Variants in TNC observed in about 807,000 individuals in gnomAD.
The protein encoded by TNC is tenascin C.
In TNC, 109 loss-of-function variants were observed where a neutral mutation model predicts 202.4. The observed-to-expected ratio is 0.54, with a 90% confidence interval of 0.46 to 0.63. TNC has a LOEUF of 0.63. Among genes scored for constraint, TNC ranks in the 30% least tolerant of loss-of-function variants. The pLI is 0.00. For synonymous variants in TNC, 1,007 were observed against 1,089.7 expected (o/e 0.92, Z 1.50); for missense variants, 2,756 against 2,833.3 (o/e 0.97, Z 0.62).
intron 25 of TNC, among the ~76,000 whole-genome samples, chr9:115,027,482 T>TG (rs1378173366): frequency 2.0e-5 from 3 of 151,772 alleles, no homozygotes; most frequent in Admixed American, 2.0e-4. Context: ...CTCAGCTACC[T>TG]GGGGGGCTGA....
At position 115,063,849 on chromosome 9, in the gene TNC, C is replaced by A. The variant is rs147290484; in HGVS notation, c.3707G>T (p.Arg1236Leu). The A allele has an allele frequency of 1.2e-6, 2 of 1,614,130 alleles. No individual in the cohort carries two copies. Among genetic ancestry groups the A allele is most frequent in the South Asian group, 2.2e-5 (2 of 91,078 alleles). The change falls in exon 12 of 28, where the codon CGC becomes CTC. Residue 1236 changes from arginine to leucine, a missense_variant. This residue lies in a region of TNC where 2,559 missense variants were observed against 2,546.0 expected (regional missense o/e 1.01). Transcript: ENST00000350763. Reference sequence around the variant, plus strand: ...TGTGCTGAAGTCCTGAGTGACCCCGCGGATGGTGATGGTATAATGAGTGGC... The same window carrying A: ...TGTGCTGAAGTCCTGAGTGACCCCGAGGATGGTGATGGTATAATGAGTGGC... ...KAATHYTITIRGVTQDFSTTP... is the reference protein window; with the variant it reads ...KAATHYTITILGVTQDFSTTP...
At chr9:115,030,119 G>A (rs1829832672) in intron 24 of TNC, 135 bp downstream of exon 24, 1 of 870,084 alleles carries the variant, frequency 1.1e-6, no homozygotes, top group Non-Finnish European at 1.7e-6. Flanking sequence ...CTGTGTGACA[G>A]GCACTATCTT....
chr9:115,086,812 C>T lies in TNC; in HGVS notation c.919G>A (p.Gly307Ser). 2 of 1,614,132 alleles carry T rather than the reference C, an allele frequency of 1.2e-6. No homozygotes were observed. The highest frequency in any genetic ancestry group is 8.5e-7 in the Non-Finnish European group (1 of 1,180,042). The change falls in exon 3 of 28, where the codon GGC (glycine) becomes AGC (serine). Residue 307 changes from glycine (G) to serine (S), a missense_variant. Gly to Ser is a moderately conservative substitution (Grantham distance 56, BLOSUM62 0). Coordinates refer to ENST00000350763, the MANE Select transcript of TNC (RefSeq NM_002160.4). ...CAGATGAGCTCACTGCAGTCTTCGC[C>T]CGTGAAACCCTCATCACACACGCAC... Reference protein sequence around the residue: ...NECVCDEGFTGEDCSELICPN... With the variant: ...NECVCDEGFTSEDCSELICPN...
chr9:115,098,856 C>G (rs1835991906), intron 1 of TNC, among the ~76,000 whole-genome samples: 1 of 151,966 alleles, frequency 6.6e-6, no homozygotes, highest in Admixed American at 6.6e-5. Flanking sequence ...ATTCCTCACC[C>G]TTTGTCCTTC....
At position 115,041,250 on chromosome 9, in the gene TNC, G is replaced by C. The variant is rs879208534; in HGVS notation, c.5249-166C>G. 3.5e-5 allele frequency among the ~76,000 whole-genome samples: 5 copies of C among 144,144 alleles called. No individual in the cohort carries two copies. In the South Asian group the frequency reaches 1.1e-3, roughly 32 times the overall value. 94.6% of individuals were successfully genotyped at this position (144,144 alleles called of 152,430 possible). On this transcript the variant is annotated intron_variant, in intron 18 of 27. Coordinates refer to ENST00000350763, the MANE Select transcript of TNC (RefSeq NM_002160.4). ...CTACCCTCTGGCATAAGGGAAGAAG[G>C]CTTACTTTTTGTATGCTTTTTCTAT...
chr9:115,113,084 T>G (rs1588252153), intron 1 of TNC, among the ~76,000 whole-genome samples: 1 of 152,186 alleles, frequency 6.6e-6, no homozygotes, highest in South Asian at 2.1e-4. Context: ...ACAGTTTTTT[T>G]CAAGAGGTGA....
chr9:115,095,930 T>C (rs983986569), intron 1 of TNC, among the ~76,000 whole-genome samples: 35 of 152,042 alleles, frequency 2.3e-4, no homozygotes, highest in African/African-American at 8.5e-4. Flanking sequence ...GACATAGTCT[T>C]TGCATTGGCA....
At chr9:115,030,145 T>C (rs1829834279) in intron 24 of TNC, 109 bp downstream of exon 24, 2 of 1,170,356 alleles carry the variant, frequency 1.7e-6, no homozygotes, top group African/African-American at 1.5e-5. Flanking sequence ...GCCTCACACA[T>C]GGGGGTGTCA....
chr9:115,064,863 T>C lies in TNC; in HGVS notation c.3271A>G (p.Arg1091Gly). The C allele has an allele frequency of 1.2e-6, 2 of 1,614,204 alleles. No individual in the cohort carries two copies. The highest frequency in any genetic ancestry group is 1.7e-6 in the Non-Finnish European group (2 of 1,180,036). ...TVTEVGWDGLRLNWTAADQAY... is the reference protein window; with the variant it reads ...TVTEVGWDGLGLNWTAADQAY... Reference sequence around the variant, plus strand: ...TGGTCAGCTGCGGTCCAGTTGAGTCTGAGGCCATCCCAGCCAACCTCAGTC... The same window carrying C: ...TGGTCAGCTGCGGTCCAGTTGAGTCCGAGGCCATCCCAGCCAACCTCAGTC... The change falls in exon 11 of 28, where the codon AGA becomes GGA. Residue 1091 changes from arginine (R) to glycine (G), a missense_variant. Transcript: ENST00000350763.
chr9:115,089,468 C>A (rs1470113335), intron 2 of TNC, among the ~76,000 whole-genome samples: 1 of 148,930 alleles, frequency 6.7e-6, no homozygotes, highest in Non-Finnish European at 1.5e-5. Flanking sequence ...CAGGCACATG[C>A]AAAATCCCTA....
At chr9:115,049,317 A>G (rs1831463052) in intron 15 of TNC, among the ~76,000 whole-genome samples, 1 of 152,148 alleles carries the variant, frequency 6.6e-6, no homozygotes, top group Admixed American at 6.5e-5. Context: ...GAGTGAGCTT[A>G]TGTTGGCTAA....
At chr9:115,048,941 T>A (rs1831427077) in intron 15 of TNC, among the ~76,000 whole-genome samples, 1 of 152,100 alleles carries the variant, frequency 6.6e-6, no homozygotes, top group African/African-American at 2.4e-5. Context: ...CTCTTTTTTT[T>A]TTTTTCGAGT....
At chr9:115,117,124 G>A (rs1373822014) in intron 1 of TNC, among the ~76,000 whole-genome samples, 2 of 152,174 alleles carry the variant, frequency 1.3e-5, no homozygotes, top group Non-Finnish European at 2.9e-5. Context: ...ATCTTTCTCA[G>A]GGTCATATGT....
intron 1 of TNC, among the ~76,000 whole-genome samples, chr9:115,104,451 T>G (rs1436875594): frequency 6.6e-5 from 10 of 152,190 alleles, no homozygotes; most frequent in Non-Finnish European, 1.3e-4. Context: ...CTGAAAAATT[T>G]TAAGAAGGCA....
intron 27 of TNC, among the ~76,000 whole-genome samples, chr9:115,022,755 T>C (rs986865229): frequency 6.6e-6 from 1 of 152,064 alleles, no homozygotes; most frequent in Non-Finnish European, 1.5e-5. Flanking sequence ...AAAACAGGCA[T>C]GAAAAACCAC....
chr9:115,061,761 T>C (rs1035787656), intron 13 of TNC, among the ~76,000 whole-genome samples: 3 of 152,230 alleles, frequency 2.0e-5, no homozygotes, highest in Non-Finnish European at 4.4e-5. Context: ...TGGCCCTTTT[T>C]CCCATAGCCC....
At chr9:115,057,067 A>C in intron 15 of TNC, 86 bp downstream of exon 15, 2 of 1,478,638 alleles carry the variant, frequency 1.4e-6, no homozygotes, top group Non-Finnish European at 9.1e-7. Flanking sequence ...TGGCTTGTAC[A>C]TCAATGGGAG....
Position 115,085,890 on chromosome 9 carries a change from C to T in TNC, c.1841G>A (p.Gly614Asp), listed in dbSNP as rs1306528423. 1 of 1,611,924 alleles carries T rather than the reference C, an allele frequency of 6.2e-7. No individual in the cohort carries two copies. Among genetic ancestry groups the T allele is most frequent in the Non-Finnish European group, 8.5e-7 (1 of 1,178,308 alleles). ...CTCTGAGCAGTCTTCTCCGCTGTAG[C>T]CCTCGTTGCAGATGCAGCGGCCCGA... Reference protein sequence around the residue: ...CVSGRCICNEGYSGEDCSEVS... With the variant: ...CVSGRCICNEDYSGEDCSEVS... The change falls in exon 3 of 28, where the codon GGC becomes GAC. Residue 614 changes from glycine to aspartate, a missense_variant. By Grantham distance (94) the Gly-to-Asp change is moderately conservative. Coordinates refer to ENST00000350763, the MANE Select transcript of TNC (RefSeq NM_002160.4).
In TNC at chr9:115,087,194, G is replaced by C. The variant is rs779539076; in HGVS notation, c.537C>G (p.Gly179=). 2 of 1,614,218 alleles carry C rather than the reference G, an allele frequency of 1.2e-6. No homozygotes were observed. The highest frequency in any genetic ancestry group is 1.7e-6 in the Non-Finnish European group (2 of 1,180,056). The change falls in exon 3 of 28, where the codon GGC becomes GGG. Residue 179 remains glycine (G), a synonymous_variant. Transcript: ENST00000350763. The stretch of plus-strand genomic sequence containing the variant: ...GCTCAGAGCAGTTGGGGCCTTTCCA[G>C]CCAGGTTCGCAGACACAGCCACATC... ...TEGCGCVCEP[G]WKGPNCSEPE... is the part of the protein sequence containing the mutation.
Sources: allele counts gnomAD v4.1 joint callset (sites outside exome capture counted in the v4.1 genomes callset), GRCh38; gene constraint gnomAD v4.1.1; regional missense constraint gnomAD v4.1.1; transcripts MANE v1.5; gene names NCBI Gene and HGNC (gene_info 2026-07-23, HGNC 2026-07-21).